The following RAD54B variants were observed in gnomAD, a reference collection of about 807,000 sequenced individuals.
The protein encoded by RAD54B is RAD54 homolog B.
In RAD54B, 78 loss-of-function variants were observed where a neutral mutation model predicts 95.8. The ratio of observed to expected loss-of-function variants is 0.81; its 90% confidence interval spans 0.68 to 0.98. The LOEUF is 0.98. Ranked by LOEUF, RAD54B falls within the 50% of genes least tolerant of loss-of-function variation. The pLI, the probability that RAD54B is intolerant of heterozygous loss-of-function variation, is 0.00. For synonymous variants in RAD54B, 328 were observed against 354.9 expected, an observed-to-expected ratio of 0.92 and a Z score of 0.85; for missense variants, 957 against 1,056.6, an observed-to-expected ratio of 0.91 and a Z score of 1.31.
chr8:94,387,312 G>C (rs1018906386), intron 10 of RAD54B, 153 bp from the exon 11 acceptor site: 2 of 603,058 alleles, frequency 3.3e-6, no homozygotes, highest in Non-Finnish European at 2.7e-6. Context: ...GTCATGATTT[G>C]ATCATTTTTT....
chr8:94,398,639 T>C (rs79803362), intron 8 of RAD54B, among the ~76,000 whole-genome samples: 4,736 of 152,010 alleles, frequency 0.031, 104 homozygotes, highest in Non-Finnish European at 0.048. Flanking sequence ...AAGTAGAAAA[T>C]AGGGGAATTG....
At chr8:94,452,348 T>C (rs1812675635) in intron 3 of RAD54B, among the ~76,000 whole-genome samples, 1 of 152,270 alleles carries the variant, frequency 6.6e-6, no homozygotes. Context: ...TATAGCAGCC[T>C]GTCCTTGTTT....
chr8:94,459,885 G>A (rs538546667), intron 2 of RAD54B, among the ~76,000 whole-genome samples: 6 of 151,088 alleles, frequency 4.0e-5, no homozygotes, highest in African/African-American at 7.3e-5. Context: ...TAGGCCGGGC[G>A]CAGTGGCTCA....
chr8:94,425,519 A>G (rs2130082465), intron 3 of RAD54B, among the ~76,000 whole-genome samples: 1 of 152,296 alleles, frequency 6.6e-6, no homozygotes, highest in South Asian at 2.1e-4. Flanking sequence ...TTTAATATGC[A>G]TTAACATATA....
intron 8 of RAD54B, among the ~76,000 whole-genome samples, chr8:94,398,050 C>T (rs1356760302): frequency 2.6e-5 from 4 of 152,046 alleles, no homozygotes. Flanking sequence ...TTCCCTGACT[C>T]ATTTTTTCCT....
At chr8:94,382,201 T>C (rs998354549) in intron 11 of RAD54B, among the ~76,000 whole-genome samples, 2 of 151,516 alleles carry the variant, frequency 1.3e-5, no homozygotes, top group African/African-American at 4.9e-5. Flanking sequence ...AGTTCCCAGC[T>C]CAATTAATGA....
intron 3 of RAD54B, among the ~76,000 whole-genome samples, chr8:94,421,920 G>A (rs192979636): frequency 3.3e-5 from 5 of 152,302 alleles, no homozygotes; most frequent in Admixed American, 3.3e-4. Flanking sequence ...ATTTTTAAAT[G>A]TGAATCTGAT....
At chr8:94,467,107 T>C (rs1407857832) in intron 2 of RAD54B, among the ~76,000 whole-genome samples, 1 of 152,170 alleles carries the variant, frequency 6.6e-6, no homozygotes, top group Non-Finnish European at 1.5e-5. Flanking sequence ...TTTTTATTTT[T>C]TGTAGAGACA....
intron 3 of RAD54B, chr8:94,428,835 C>G: frequency 2.0e-6 from 2 of 983,994 alleles, no homozygotes; most frequent in Non-Finnish European, 2.4e-6. Flanking sequence ...TCCCCTAACT[C>G]AAAAAAGTCT....
intron 14 of RAD54B, among the ~76,000 whole-genome samples, chr8:94,374,486 A>G (rs1189711607): frequency 6.6e-6 from 1 of 152,200 alleles, no homozygotes; most frequent in African/African-American, 2.4e-5. Flanking sequence ...TCACTGAAAC[A>G]AAATATTAGA....
At chr8:94,373,583 C>A (rs1021612575) in intron 14 of RAD54B, among the ~76,000 whole-genome samples, 1 of 152,190 alleles carries the variant, frequency 6.6e-6, no homozygotes. Context: ...CCCTGGATCA[C>A]GAAATTACCT....
At chr8:94,431,108 A>T in intron 3 of RAD54B, 2 of 969,676 alleles carry the variant, frequency 2.1e-6, no homozygotes, top group Non-Finnish European at 2.5e-6. Context: ...TAAGTAACAT[A>T]CATATTAGAG....
intron 11 of RAD54B, among the ~76,000 whole-genome samples, chr8:94,381,888 C>T (rs1184310062): frequency 1.3e-5 from 2 of 151,932 alleles, no homozygotes; most frequent in South Asian, 2.1e-4. Flanking sequence ...CCGAGGTGGG[C>T]GGATCACAAG....
intron 3 of RAD54B, among the ~76,000 whole-genome samples, chr8:94,443,142 A>T (rs1157437132): frequency 1.3e-5 from 2 of 152,170 alleles, no homozygotes; most frequent in African/African-American, 2.4e-5. Flanking sequence ...CAAGACAAAA[A>T]ATCACTCCTT....
intron 3 of RAD54B, among the ~76,000 whole-genome samples, chr8:94,441,304 G>A (rs187716194): frequency 1.1e-4 from 17 of 152,134 alleles, no homozygotes; most frequent in Admixed American, 1.1e-3. Flanking sequence ...TCTGTGGCTC[G>A]TCCTGCTACA....
intron 1 of RAD54B, among the ~76,000 whole-genome samples, chr8:94,469,378 G>A (rs962946115): frequency 6.6e-5 from 10 of 152,172 alleles, no homozygotes; most frequent in African/African-American, 2.2e-4. Context: ...CATGTAAGAC[G>A]TGGCTTGCTT....
chr8:94,444,662 C>T (rs1812479179), intron 3 of RAD54B, among the ~76,000 whole-genome samples: 1 of 152,124 alleles, frequency 6.6e-6, no homozygotes, highest in Non-Finnish European at 1.5e-5. Context: ...CCTGGAATAC[C>T]CAGCCTCCTT....
chr8:94,405,499 T>C (rs763594818), intron 5 of RAD54B, among the ~76,000 whole-genome samples: 4 of 152,154 alleles, frequency 2.6e-5, no homozygotes, highest in Non-Finnish European at 4.4e-5. Flanking sequence ...AGAGGGTAAG[T>C]TTTCTCTGGA....
At chr8:94,454,858 G>C (rs895820842) in intron 3 of RAD54B, among the ~76,000 whole-genome samples, 4 of 152,092 alleles carry the variant, frequency 2.6e-5, no homozygotes, top group African/African-American at 9.7e-5. Flanking sequence ...ATAAACCCTT[G>C]AGAATATGCC....
Sources: gnomAD v4.1 joint callset for allele counts (sites outside exome capture counted in the v4.1 genomes callset) on GRCh38, gnomAD v4.1.1 for gene constraint, MANE v1.5 for transcripts, NCBI Gene and HGNC (gene_info 2026-07-23, HGNC 2026-07-21) for gene names.